FAM135B: variants seen among roughly 807,000 people sequenced by gnomAD.
The protein encoded by FAM135B is family with sequence similarity 135 member B.
A neutral mutation model predicts 127.7 loss-of-function variants in FAM135B; 43 were observed. The observed-to-expected ratio is 0.34, with a 90% CI of 0.26 to 0.43. FAM135B has a LOEUF of 0.43. Among genes scored for constraint, FAM135B ranks in the 20% least tolerant of loss-of-function variants. The pLI is 1.00. For missense variants in FAM135B, 1,558 were observed against 1,725.6 expected, an observed-to-expected ratio of 0.90 and a Z score of 1.72; for synonymous variants, 670 against 665.1, an observed-to-expected ratio of 1.01 and a Z score of -0.11.
chr8:138,255,517 G>C (rs1383038445), intron 5 of FAM135B, among the ~76,000 whole-genome samples: 2 of 152,150 alleles, frequency 1.3e-5, no homozygotes, highest in Non-Finnish European at 2.9e-5. Flanking sequence ...AGAAGCTGAG[G>C]GTGGCTGGAC....
chr8:138,415,201 T>C (rs1264797221), intron 1 of FAM135B, among the ~76,000 whole-genome samples: 1 of 152,200 alleles, frequency 6.6e-6, no homozygotes, highest in Admixed American at 6.5e-5. Context: ...TTTGCTGTTG[T>C]TGTTAATCTA....
At chr8:138,182,551 G>A (rs989882982) in intron 9 of FAM135B, among the ~76,000 whole-genome samples, 8 of 152,186 alleles carry the variant, frequency 5.3e-5, no homozygotes, top group South Asian at 2.1e-4. Context: ...GAGCTCTGGG[G>A]AGCCAAACAT....
intron 5 of FAM135B, among the ~76,000 whole-genome samples, chr8:138,255,062 C>G (rs982609404): frequency 7.4e-6 from 1 of 135,476 alleles, no homozygotes; most frequent in African/African-American, 2.8e-5. Context: ...CACAGTCTTG[C>G]TCTGTCACCC....
chr8:138,415,812 G>T (rs1834111886), intron 1 of FAM135B, among the ~76,000 whole-genome samples: 1 of 152,142 alleles, frequency 6.6e-6, no homozygotes, highest in African/African-American at 2.4e-5. Context: ...AAGTTGCTCT[G>T]ATCCTTCACA....
intron 3 of FAM135B, among the ~76,000 whole-genome samples, chr8:138,273,456 G>A (rs146209193): frequency 6.6e-6 from 1 of 152,152 alleles, no homozygotes; most frequent in Non-Finnish European, 1.5e-5. Flanking sequence ...CGCCCACCTT[G>A]GCTTCCCAGA....
At chr8:138,327,635 T>C (rs1436040098) in intron 2 of FAM135B, among the ~76,000 whole-genome samples, 2 of 152,174 alleles carry the variant, frequency 1.3e-5, no homozygotes, top group Non-Finnish European at 2.9e-5. Context: ...AACTGTAAAT[T>C]GAACATTGCT....
At chr8:138,211,972 G>A (rs780366328) in intron 7 of FAM135B, among the ~76,000 whole-genome samples, 1 of 152,182 alleles carries the variant, frequency 6.6e-6, no homozygotes, top group African/African-American at 2.4e-5. Context: ...GGAGGCTGAG[G>A]CAGGGCAATC....
At chr8:138,264,244 TG>T (rs1822748127) in intron 4 of FAM135B, among the ~76,000 whole-genome samples, 1 of 152,250 alleles carries the variant, frequency 6.6e-6, no homozygotes, top group African/African-American at 2.4e-5. Context: ...TTGGCTTCTC[TG>T]GGAGGCCTCT....
At chr8:138,216,010 T>G (rs1482594933) in intron 7 of FAM135B, among the ~76,000 whole-genome samples, 1 of 152,140 alleles carries the variant, frequency 6.6e-6, no homozygotes, top group Admixed American at 6.5e-5. Flanking sequence ...TCATTTCCAA[T>G]AACAAATACC....
intron 1 of FAM135B, among the ~76,000 whole-genome samples, chr8:138,481,271 A>G (rs918485037): frequency 1.3e-5 from 2 of 152,242 alleles, no homozygotes; most frequent in Admixed American, 6.5e-5. Flanking sequence ...TACATCAGTC[A>G]ATCATCCAGG....
chr8:138,332,917 C>T (rs779238403), intron 2 of FAM135B, among the ~76,000 whole-genome samples: 10 of 151,954 alleles, frequency 6.6e-5, no homozygotes, highest in South Asian at 6.2e-4. Context: ...TGAGAGAGTG[C>T]TGACCAGGGT....
intron 1 of FAM135B, among the ~76,000 whole-genome samples, chr8:138,435,122 C>T (rs1003278682): frequency 2.0e-5 from 3 of 151,626 alleles, no homozygotes; most frequent in Non-Finnish European, 2.9e-5. Flanking sequence ...GATGGTGAAA[C>T]CTCATCTCTA....
intron 1 of FAM135B, among the ~76,000 whole-genome samples, chr8:138,398,804 T>C (rs1311209382): frequency 6.6e-6 from 1 of 152,182 alleles, no homozygotes; most frequent in East Asian, 1.9e-4. Flanking sequence ...AAGAAGGTAG[T>C]GAGATACTCG....
Position 138,141,178 on chromosome 8 carries a change from G to C in FAM135B, c.3790+20C>G, listed in dbSNP as rs201444748. 6.2e-7 allele frequency: 1 copy of C among 1,612,474 alleles called. No homozygotes were observed. Among genetic ancestry groups the C allele is most frequent in the Non-Finnish European group, 8.5e-7 (1 of 1,179,068 alleles). ...CCCCAGATTAATTCTGAGGAATGAC[G>C]AGTCCTAGAAGAATCTTACCTGTAC... On this transcript the variant is annotated intron_variant, in intron 17 of 19. Coordinates refer to ENST00000395297, the MANE Select transcript of FAM135B (RefSeq NM_015912.4). This position sits in a 1 kb window ranked among gnomAD's most constrained non-coding sequence, Gnocchi z 4.7.
At chr8:138,263,093 A>G (rs901972585) in intron 4 of FAM135B, among the ~76,000 whole-genome samples, 1 of 152,018 alleles carries the variant, frequency 6.6e-6, no homozygotes, top group African/African-American at 2.4e-5. Flanking sequence ...AGCAAATGGT[A>G]TGCTGGCAAA....
At chr8:138,408,847 C>T (rs1190680046) in intron 1 of FAM135B, among the ~76,000 whole-genome samples, 1 of 152,138 alleles carries the variant, frequency 6.6e-6, no homozygotes, top group Non-Finnish European at 1.5e-5. Flanking sequence ...CGTGGGGTTA[C>T]AATCTGAGAT....
intron 6 of FAM135B, among the ~76,000 whole-genome samples, chr8:138,244,046 C>T (rs2130407199): frequency 6.6e-6 from 1 of 152,228 alleles, no homozygotes; most frequent in African/African-American, 2.4e-5. Flanking sequence ...TCCAAGAGAT[C>T]CAGGTTCCTG....
chr8:138,175,548 CTG>C (rs766586227), intron 11 of FAM135B, among the ~76,000 whole-genome samples: 6 of 152,238 alleles, frequency 3.9e-5, no homozygotes, highest in Non-Finnish European at 5.9e-5. Context: ...CAAGAGCTAA[CTG>C]TGCACATCTC....
intron 1 of FAM135B, among the ~76,000 whole-genome samples, chr8:138,374,063 C>G (rs111281949): frequency 0.017 from 2,664 of 152,268 alleles, 82 homozygotes; most frequent in African/African-American, 0.06. Context: ...ACTCCCTCCC[C>G]TTTAAAAAAA....
Sources: gnomAD v4.1 joint callset for allele counts (sites outside exome capture counted in the v4.1 genomes callset) on GRCh38, gnomAD v4.1.1 for gene constraint, Gnocchi (gnomAD v3.1) non-coding constraint, MANE v1.5 for transcripts, NCBI Gene and HGNC (gene_info 2026-07-23, HGNC 2026-07-21) for gene names.